Variants in RORA observed in about 807,000 individuals in gnomAD.
RORA encodes RAR related orphan receptor A.
A neutral mutation model predicts 69.5 loss-of-function variants in RORA; 7 were observed. That is an observed-to-expected ratio of 0.10 (90% CI 0.06 to 0.19). The LOEUF is 0.19. Ranked by LOEUF, RORA falls within the 10% of genes least tolerant of loss-of-function variation. RORA has a pLI of 1.00. For synonymous variants in RORA, 261 were observed against 240.8 expected (o/e 1.08, Z -0.78); for missense variants, 457 against 663.0 (o/e 0.69, Z 3.41).
chr15:60,814,835 A>G (rs1381620424), intron 1 of RORA, among the ~76,000 whole-genome samples: 1 of 152,198 alleles, frequency 6.6e-6, no homozygotes, highest in East Asian at 1.9e-4. Flanking sequence ...GGAGAAATAA[A>G]GGGCACATGT....
intron 1 of RORA, among the ~76,000 whole-genome samples, chr15:61,044,984 C>G (rs558799732): frequency 6.6e-6 from 1 of 152,172 alleles, no homozygotes; most frequent in Non-Finnish European, 1.5e-5. Flanking sequence ...TGGGGGCACT[C>G]GGGAAAATGT....
At chr15:61,115,810 G>T (rs563397201) in intron 1 of RORA, among the ~76,000 whole-genome samples, 1 of 152,244 alleles carries the variant, frequency 6.6e-6, no homozygotes, top group South Asian at 2.1e-4. Context: ...GGTCCCAAAG[G>T]GCCCAAAAGC....
intron 1 of RORA, among the ~76,000 whole-genome samples, chr15:61,045,231 T>A (rs1420174975): frequency 3.9e-5 from 6 of 152,056 alleles, no homozygotes; most frequent in Non-Finnish European, 8.8e-5. Context: ...TCTCACCAGA[T>A]CTGATGGTTT....
intron 1 of RORA, among the ~76,000 whole-genome samples, chr15:60,741,574 C>A (rs564523956): frequency 6.6e-6 from 1 of 152,164 alleles, no homozygotes; most frequent in South Asian, 2.1e-4. Flanking sequence ...CTGCTGTTGG[C>A]TCCTCCCTGT....
At chr15:60,960,146 C>A (rs1009569972) in intron 1 of RORA, among the ~76,000 whole-genome samples, 8 of 152,188 alleles carry the variant, frequency 5.3e-5, no homozygotes, top group African/African-American at 1.9e-4. Context: ...GGCTTTACCT[C>A]CCTCTCATTG....
At chr15:61,146,765 C>T (rs1379215426) in intron 1 of RORA, among the ~76,000 whole-genome samples, 3 of 152,160 alleles carry the variant, frequency 2.0e-5, no homozygotes. Flanking sequence ...CAATATGTCA[C>T]CCTGTCACCA....
At chr15:61,026,930 G>A (rs1045982860) in intron 1 of RORA, among the ~76,000 whole-genome samples, 1 of 151,984 alleles carries the variant, frequency 6.6e-6, no homozygotes, top group Non-Finnish European at 1.5e-5. Context: ...AGTCAGAGGT[G>A]AGGATTTTCA....
At chr15:60,629,572 A>T (rs1269290179) in intron 2 of RORA, among the ~76,000 whole-genome samples, 2 of 152,202 alleles carry the variant, frequency 1.3e-5, no homozygotes, top group Non-Finnish European at 2.9e-5. Flanking sequence ...AGACAGTGAC[A>T]AGAAGATATG....
chr15:60,852,526 G>A (rs1171447575), intron 1 of RORA, among the ~76,000 whole-genome samples: 2 of 152,190 alleles, frequency 1.3e-5, no homozygotes, highest in Non-Finnish European at 2.9e-5. Flanking sequence ...CACACCGTAG[G>A]TGCTTATGAA....
chr15:60,939,654 C>T (rs768955868), intron 1 of RORA, among the ~76,000 whole-genome samples: 17 of 152,220 alleles, frequency 1.1e-4, no homozygotes, highest in African/African-American at 3.4e-4. Flanking sequence ...TTTTGTTCCC[C>T]GCTCATTATG....
chr15:60,733,899 C>T (rs1044313770), intron 1 of RORA, among the ~76,000 whole-genome samples: 6 of 120,718 alleles, frequency 5.0e-5, no homozygotes, highest in Admixed American at 2.0e-4. Flanking sequence ...CACAGGTGAG[C>T]GGTTAGAATA....
intron 1 of RORA, among the ~76,000 whole-genome samples, chr15:60,690,567 T>C (rs1356837913): frequency 6.6e-6 from 1 of 152,148 alleles, no homozygotes; most frequent in Non-Finnish European, 1.5e-5. Context: ...TGTTCTTGAG[T>C]CTCTTTGCTA....
At chr15:61,134,758 C>G (rs896821521) in intron 1 of RORA, among the ~76,000 whole-genome samples, 3 of 152,132 alleles carry the variant, frequency 2.0e-5, no homozygotes, top group Non-Finnish European at 2.9e-5. Context: ...AAGCAAGCAT[C>G]TGACAGGTGT....
At chr15:60,729,257 G>C (rs2071400099) in intron 1 of RORA, among the ~76,000 whole-genome samples, 1 of 152,146 alleles carries the variant, frequency 6.6e-6, no homozygotes, top group South Asian at 2.1e-4. Context: ...GAGCCTCATG[G>C]ATGCCACTAA....
intron 1 of RORA, among the ~76,000 whole-genome samples, chr15:61,062,028 A>C (rs2078194087): frequency 6.6e-6 from 1 of 152,240 alleles, no homozygotes; most frequent in South Asian, 2.1e-4. Context: ...GTGCCACTGC[A>C]CTCTAGCCTG....
intron 1 of RORA, among the ~76,000 whole-genome samples, chr15:61,154,069 AT>A (rs1215844346): frequency 6.6e-6 from 1 of 151,906 alleles, no homozygotes; most frequent in Non-Finnish European, 1.5e-5. Flanking sequence ...TCCTTTCTAT[AT>A]TTCTCCTTCA....
chr15:60,746,297 T>C (rs1325685229), intron 1 of RORA, among the ~76,000 whole-genome samples: 1 of 147,770 alleles, frequency 6.8e-6, no homozygotes, highest in Non-Finnish European at 1.5e-5. Flanking sequence ...GCCATGTGCA[T>C]TTTTTTTTTA....
At chr15:61,024,734 G>C (rs1467217780) in intron 1 of RORA, among the ~76,000 whole-genome samples, 5 of 152,068 alleles carry the variant, frequency 3.3e-5, no homozygotes, top group Non-Finnish European at 5.9e-5. Flanking sequence ...ACAGGCATGA[G>C]CCACTGCACC....
intron 1 of RORA, among the ~76,000 whole-genome samples, chr15:61,120,561 T>C (rs1410550436): frequency 1.3e-5 from 2 of 151,466 alleles, no homozygotes; most frequent in Admixed American, 1.3e-4. Context: ...ATTAGCCAGG[T>C]GTGGTGGCAG....
Sources: allele counts gnomAD v4.1 joint callset (sites outside exome capture counted in the v4.1 genomes callset), GRCh38; gene constraint gnomAD v4.1.1; transcripts MANE v1.5; gene names NCBI Gene and HGNC (gene_info 2026-07-23, HGNC 2026-07-21).